The following IFT88 variants were observed in gnomAD, a reference collection of about 807,000 sequenced individuals.
IFT88 encodes the protein intraflagellar transport 88.
In IFT88, 74 loss-of-function variants were observed where a neutral mutation model predicts 119.5. The ratio of observed to expected loss-of-function variants is 0.62; its 90% CI spans 0.51 to 0.75. The LOEUF (loss-of-function observed/expected upper bound fraction) is 0.75, where lower values mean the gene tolerates loss of function less well. Ranked by LOEUF, IFT88 falls within the 30% of genes least tolerant of loss-of-function variation. IFT88 has a pLI of 0.00. For synonymous variants in IFT88, 279 were observed against 316.7 expected, an observed-to-expected ratio of 0.88 and a Z score of 1.26; for missense variants, 961 against 977.7, an observed-to-expected ratio of 0.98 and a Z score of 0.23.
At chr13:20,574,559 T>C in intron 2 of IFT88, 84 bp downstream of exon 2, 3 of 674,844 alleles carry the variant, frequency 4.4e-6, no homozygotes, top group African/African-American at 1.9e-5. Context: ...TTCTACTTTA[T>C]TATGCTTTAG....
chr13:20,634,296 T>C (rs1403736153), intron 16 of IFT88, among the ~76,000 whole-genome samples: 1 of 152,160 alleles, frequency 6.6e-6, no homozygotes, highest in African/African-American at 2.4e-5. Context: ...ATTGTAATAA[T>C]CTACCACTGC....
chr13:20,637,391 G>T (rs559329758), intron 16 of IFT88, among the ~76,000 whole-genome samples: 1 of 152,308 alleles, frequency 6.6e-6, no homozygotes, highest in Admixed American at 6.5e-5. Flanking sequence ...AGCCATGGCG[G>T]TGAAGGTGCA....
At chr13:20,619,447 G>T (rs1217149465) in intron 14 of IFT88, among the ~76,000 whole-genome samples, 1 of 151,970 alleles carries the variant, frequency 6.6e-6, no homozygotes, top group Non-Finnish European at 1.5e-5. Context: ...GTTTTTCCAG[G>T]TTTTAAAAGC....
intron 15 of IFT88, among the ~76,000 whole-genome samples, chr13:20,627,381 A>G (rs568100407): frequency 1.3e-5 from 2 of 152,314 alleles, no homozygotes; most frequent in Admixed American, 6.5e-5. Context: ...CAAAATGGAG[A>G]AAACCATGTC....
chr13:20,670,382 A>G (rs1024169027), intron 23 of IFT88, among the ~76,000 whole-genome samples: 1 of 152,158 alleles, frequency 6.6e-6, no homozygotes, highest in Non-Finnish European at 1.5e-5. Context: ...AAACCTAACA[A>G]TGCCACAGTG....
intron 5 of IFT88, 42 bp from the exon 6 acceptor site, chr13:20,591,576 T>C (rs760827730): frequency 9.6e-6 from 14 of 1,452,946 alleles, no homozygotes; most frequent in Middle Eastern, 3.5e-4. Context: ...ACATAGGAGA[T>C]AGATCTTATT....
intron 1 of IFT88, among the ~76,000 whole-genome samples, chr13:20,574,017 T>A (rs1020360215): frequency 6.6e-6 from 1 of 152,238 alleles, no homozygotes; most frequent in African/African-American, 2.4e-5. Context: ...TAAATAGTTA[T>A]ACTTTATTGG....
chr13:20,668,189 G>A (rs956842539), intron 23 of IFT88, among the ~76,000 whole-genome samples: 2 of 152,184 alleles, frequency 1.3e-5, no homozygotes, highest in African/African-American at 4.8e-5. Flanking sequence ...GCATCACAGA[G>A]TCTGTCCTGT....
At chr13:20,618,079 C>T (rs1373964919) in intron 14 of IFT88, among the ~76,000 whole-genome samples, 1 of 152,100 alleles carries the variant, frequency 6.6e-6, no homozygotes, top group Non-Finnish European at 1.5e-5. Context: ...ACCGTGAAGC[C>T]CAGCTAATTT....
chr13:20,597,478 C>T (rs542810062), intron 9 of IFT88, among the ~76,000 whole-genome samples: 3 of 152,230 alleles, frequency 2.0e-5, no homozygotes, highest in South Asian at 2.1e-4. Flanking sequence ...GGTGCCGTGG[C>T]TCACGCCTGT....
chr13:20,623,826 C>A (rs1164580785), intron 14 of IFT88, among the ~76,000 whole-genome samples: 2 of 152,114 alleles, frequency 1.3e-5, no homozygotes, highest in Non-Finnish European at 2.9e-5. Flanking sequence ...TTATAGTGTT[C>A]CATGTTCAAG....
At chr13:20,639,787 T>C (rs2049580784) in intron 17 of IFT88, among the ~76,000 whole-genome samples, 1 of 74,884 alleles carries the variant, frequency 1.3e-5, no homozygotes, top group Non-Finnish European at 2.5e-5. Context: ...AAAATTTGTC[T>C]TTTTTTTTTT....
intron 23 of IFT88, among the ~76,000 whole-genome samples, chr13:20,664,833 A>G (rs749139398): frequency 6.6e-6 from 1 of 152,210 alleles, no homozygotes; most frequent in Non-Finnish European, 1.5e-5. Flanking sequence ...TAATCCCAGC[A>G]CTTTGGGAGG....
intron 20 of IFT88, among the ~76,000 whole-genome samples, chr13:20,645,600 GTC>G (rs1477345328): frequency 6.6e-6 from 1 of 152,026 alleles, no homozygotes; most frequent in Non-Finnish European, 1.5e-5. Flanking sequence ...CTCTAAAAGA[GTC>G]TTAATACAAG....
At chr13:20,682,859 T>C (rs2057480021) in intron 24 of IFT88, among the ~76,000 whole-genome samples, 1 of 152,232 alleles carries the variant, frequency 6.6e-6, no homozygotes, top group Non-Finnish European at 1.5e-5. Context: ...CTTAGCAGGC[T>C]GCAGGTTGTT....
intron 22 of IFT88, among the ~76,000 whole-genome samples, chr13:20,656,858 A>G (rs900350125): frequency 1.5e-4 from 23 of 152,172 alleles, no homozygotes; most frequent in African/African-American, 5.3e-4. Flanking sequence ...TGCTGATACA[A>G]TAGCAAATAA....
chr13:20,671,789 C>T (rs764271387), intron 24 of IFT88, among the ~76,000 whole-genome samples: 2 of 152,156 alleles, frequency 1.3e-5, no homozygotes, highest in Non-Finnish European at 2.9e-5. Flanking sequence ...CCTACATTCT[C>T]TCCTATCCAT....
At chr13:20,621,526 TAAAAAAAAAAA>T (rs200491393) in intron 14 of IFT88, among the ~76,000 whole-genome samples, 97 of 130,788 alleles carry the variant, frequency 7.4e-4, no homozygotes, top group African/African-American at 2.5e-3. Context: ...CCTGCTGAGA[TAAAAAAAAAAA>T]AAAAAAAAAA....
rs2036978942 is a variant in IFT88, at chr13:20,574,428, G to A, written c.43G>A (p.Asp15Asn). ...CCTGGCTCCAGAGACAGATGAAGAT[G>A]ATCTTTATTCCGGCTATAATGACTA... ...VHLAPETDED[D>N]LYSGYNDYNP... The change falls in exon 2 of 26, where the codon GAT becomes AAT. Residue 15 changes from aspartate to asparagine, a missense_variant. Transcript: ENST00000351808. The A allele has an allele frequency of 6.2e-7, 1 of 1,612,092 alleles. No individual in the cohort carries two copies. The highest frequency in any genetic ancestry group is 8.5e-7 in the Non-Finnish European group (1 of 1,178,750).
Sources: allele counts gnomAD v4.1 joint callset (sites outside exome capture counted in the v4.1 genomes callset), GRCh38; gene constraint gnomAD v4.1.1; transcripts MANE v1.5; gene names NCBI Gene and HGNC (gene_info 2026-07-23, HGNC 2026-07-21).